The following MYH14 variants were observed in gnomAD, a reference collection of about 807,000 sequenced individuals.
The protein encoded by MYH14 is myosin heavy chain 14.
Under a neutral mutation model 255.5 loss-of-function variants are expected in MYH14, and 123 were observed. The observed-to-expected ratio is 0.48, with a 90% CI of 0.42 to 0.56. The LOEUF (loss-of-function observed/expected upper bound fraction) is 0.56. MYH14 is among the 20% of genes least tolerant of loss of function. The probability of loss-of-function intolerance (pLI) is 0.00; values close to 1 mark genes in which losing one functional copy is unlikely to be tolerated. For synonymous variants in MYH14, 1,095 were observed against 1,161.2 expected (o/e 0.94, Z 1.16); for missense variants, 2,423 against 2,802.3 (o/e 0.86, Z 3.06).
chr19:50,244,420 G>C lies in MYH14; in HGVS notation c.1210+83G>C, dbSNP rs1290776344. 3.0e-6 allele frequency: 3 copies of C among 1,010,208 alleles called. No homozygotes were observed. In the African/African-American group the frequency reaches 4.8e-5, roughly 16 times the overall value. 62.6% of individuals were successfully genotyped at this position (1,010,208 alleles called of 1,614,324 possible). A position where few individuals can be genotyped will look rare whatever the true frequency, so the allele number is the denominator to read the frequency against. On this transcript the variant is annotated intron_variant, in intron 11 of 42. Transcript: ENST00000642316. ...CCCTCCTGCACCCCTGTCCCACGTA[G>C]AGAGCATCCCCCTTCCAGCCACACC...
chr19:50,274,630 G>C, intron 27 of MYH14, among the ~76,000 whole-genome samples: 1 of 152,090 alleles, frequency 6.6e-6, no homozygotes, highest in East Asian at 1.9e-4. Flanking sequence ...AGGAAACCCT[G>C]TATGTATTAA....
intron 17 of MYH14, 76 bp from the exon 18 acceptor site, chr19:50,257,223 A>T: frequency 8.1e-7 from 1 of 1,227,784 alleles, no homozygotes; most frequent in South Asian, 1.5e-5. Context: ...AAATGATAAG[A>T]CCCTTGACCT....
chr19:50,250,278 T>G lies in MYH14; in HGVS notation c.1657-237T>G, dbSNP rs908305609. ...ACCACGCCCGGCTAATTTTTTGTAT[T>G]TTTAGTAGAGTCGGGGGTTTCACTG... is the stretch of plus-strand genomic sequence containing the variant. On this transcript the variant is annotated intron_variant, in intron 14 of 42. Coordinates refer to ENST00000642316, the MANE Select transcript of MYH14 (RefSeq NM_001145809.2). This position sits in a 1 kb window ranked among gnomAD's most constrained non-coding sequence, Gnocchi z 5.4. Among the ~76,000 whole-genome samples the G allele has an allele frequency of 2.6e-5, 4 of 152,110 alleles. No homozygotes were observed. The highest frequency in any genetic ancestry group is 3.9e-4 in the East Asian group (2 of 5,174).
Position 50,284,541 on chromosome 19 carries a change from T to A in MYH14, c.4540-1941T>A, listed in dbSNP as rs565107702. Among the ~76,000 whole-genome samples the A allele has an allele frequency of 9.2e-5, 14 of 151,940 alleles. No individual in the cohort carries two copies. In the South Asian group the frequency reaches 2.3e-3, roughly 25 times the overall value. ...TGCCGCCACACCCGGCTAATTTTTTTATTTTTATTTTTTTTTTATTTTTTA... is the reference window on the plus strand; with the variant it reads ...TGCCGCCACACCCGGCTAATTTTTTAATTTTTATTTTTTTTTTATTTTTTA... On this transcript the variant is annotated intron_variant, in intron 33 of 42. Transcript: ENST00000642316.
intron 16 of MYH14, among the ~76,000 whole-genome samples, chr19:50,254,660 G>A (rs572221685): frequency 6.6e-6 from 1 of 152,280 alleles, no homozygotes; most frequent in Non-Finnish European, 1.5e-5. Context: ...AACAAAGCTA[G>A]TCACAAGGTC....
At chr19:50,279,920 T>C in intron 30 of MYH14, 117 bp from the exon 31 acceptor site, 1 of 810,104 alleles carries the variant, frequency 1.2e-6, no homozygotes, top group South Asian at 1.5e-5. Flanking sequence ...GCCAGACTGT[T>C]TTCCACGGCA....
intron 42 of MYH14, 119 bp downstream of exon 42, chr19:50,309,296 GGGCTGTGGGAGCAGC>G (rs2036764013): frequency 9.7e-7 from 1 of 1,029,632 alleles, no homozygotes; most frequent in Middle Eastern, 2.1e-4. Flanking sequence ...CGGGGGTGTG[GGGCTGTGGGAGCAGC>G]GGCTGTGTTG....
At chr19:50,255,111 CT>C in intron 16 of MYH14, 108 bp from the exon 17 acceptor site, 1 of 748,120 alleles carries the variant, frequency 1.3e-6, no homozygotes. Flanking sequence ...ACCCTCTCCT[CT>C]TTTTCTTCCT....
At chr19:50,204,971 T>C (rs1172306239) in intron 1 of MYH14, among the ~76,000 whole-genome samples, 1 of 151,808 alleles carries the variant, frequency 6.6e-6, no homozygotes, top group Non-Finnish European at 1.5e-5. Flanking sequence ...CGACACATAG[T>C]AGGTACTCTT....
At chr19:50,248,942 T>C (rs1319868411) in intron 12 of MYH14, 45 bp from the exon 13 acceptor site, 1 of 1,608,080 alleles carries the variant, frequency 6.2e-7, no homozygotes, top group Admixed American at 1.7e-5. Flanking sequence ...TCTTTCAGTC[T>C]GCTGATGTGC....
In MYH14 at chr19:50,301,725, G is replaced by A. The variant is rs201040702; in HGVS notation, c.5534G>A (p.Arg1845Gln). 6.2e-5 allele frequency: 100 copies of A among 1,613,826 alleles called. No individual in the cohort carries two copies. The highest frequency in any genetic ancestry group is 1.6e-4 in the Middle Eastern group (1 of 6,080). ...TTCTCAGCCAAGGCAGAGAGCGGGC[G>A]GCAGCAGCTGGAACGGCAGATCCAG... ...RSFSAKAESG[R>Q]QQLERQIQEL... The change falls in exon 40 of 43, where the codon CGG (arginine) becomes CAG (glutamine). Residue 1845 changes from arginine (R) to glutamine (Q), a missense_variant. Transcript: ENST00000642316.
rs1006356847 is a variant in MYH14, at chr19:50,276,618, C to T, written c.3681-139C>T. ...AGCCACACTCCTTCCACAGCATCACCACCCAGATCTCCTGAGGAGCATAAC... is the reference window on the plus strand; with the variant it reads ...AGCCACACTCCTTCCACAGCATCACTACCCAGATCTCCTGAGGAGCATAAC... On this transcript the variant is annotated intron_variant, in intron 28 of 42. Transcript: ENST00000642316. This position sits in a 1 kb window ranked among gnomAD's most constrained non-coding sequence, Gnocchi z 4.3. 6 of 1,090,938 alleles carry T rather than the reference C, an allele frequency of 5.5e-6. No homozygotes were observed. The highest frequency in any genetic ancestry group is 3.2e-5 in the African/African-American group (2 of 62,958). The allele number at this position is 1,090,938 out of a possible 1,614,324, so 67.6% of individuals were successfully genotyped here.
chr19:50,238,532 A>C (rs1262261552), intron 10 of MYH14, among the ~76,000 whole-genome samples: 1 of 151,742 alleles, frequency 6.6e-6, no homozygotes, highest in Non-Finnish European at 1.5e-5. Context: ...GCTTACTCCA[A>C]CCTCCACCTC....
chr19:50,234,848 C>G (rs1194325373), intron 10 of MYH14, among the ~76,000 whole-genome samples: 1 of 152,198 alleles, frequency 6.6e-6, no homozygotes, highest in East Asian at 1.9e-4. Flanking sequence ...GTAACATAAA[C>G]TGAATGTGGC....
At chr19:50,306,974 C>T in intron 40 of MYH14, 75 bp from the exon 41 acceptor site, 1 of 1,046,602 alleles carries the variant, frequency 9.6e-7, no homozygotes, top group Non-Finnish European at 1.4e-6. Flanking sequence ...AGGTGACAGC[C>T]ACTGCATGAG....
intron 10 of MYH14, among the ~76,000 whole-genome samples, chr19:50,234,921 G>A (rs674994): frequency 0.96 from 146,817 of 152,296 alleles, 70,821 homozygotes; most frequent in African/African-American, 0.99. Flanking sequence ...TCCCACTGTT[G>A]AGCTTCTTGT....
At position 50,209,241 on chromosome 19, in the gene MYH14, C is replaced by T. The variant is rs530811626; in HGVS notation, c.-3-1122C>T. 3.3e-5 allele frequency among the ~76,000 whole-genome samples: 5 copies of T among 152,238 alleles called. No homozygotes were observed. The South Asian group carries it at 8.3e-4, about 25-fold the overall frequency. On this transcript the variant is annotated intron_variant, in intron 1 of 42. Coordinates refer to ENST00000642316, the MANE Select transcript of MYH14 (RefSeq NM_001145809.2). ...TGACACATGCCACATTGCAAGTACC[C>T]GGTAGTGCACAGGTGGTGGTGGCTT...
rs1220478629 is a variant in MYH14, at chr19:50,278,315, T to C, written c.4032+26T>C. 3 of 1,488,026 alleles carry C rather than the reference T, an allele frequency of 2.0e-6. No individual in the cohort carries two copies. The South Asian group carries it at 3.9e-5, about 19-fold the overall frequency. 92.2% of individuals were successfully genotyped at this position (1,488,026 alleles called of 1,614,324 possible). On this transcript the variant is annotated intron_variant, in intron 30 of 42. Coordinates refer to ENST00000642316, the MANE Select transcript of MYH14 (RefSeq NM_001145809.2). ...GTAAGTGGGGTGGGCAGGGCAGAGG[T>C]TTCTGCTGTGTGACCTTGGTGACAT...
chr19:50,206,935 C>T (rs544463654), intron 1 of MYH14, among the ~76,000 whole-genome samples: 2 of 150,456 alleles, frequency 1.3e-5, no homozygotes, highest in Non-Finnish European at 3.0e-5. Context: ...GAGTAGGGGC[C>T]GGGCGTAGTG....
Sources: gnomAD v4.1 joint callset for allele counts (sites outside exome capture counted in the v4.1 genomes callset) on GRCh38, gnomAD v4.1.1 for gene constraint, Gnocchi (gnomAD v3.1) non-coding constraint, MANE v1.5 for transcripts, NCBI Gene and HGNC (gene_info 2026-07-23, HGNC 2026-07-21) for gene names.